The following ATXN1 variants were observed in gnomAD, a reference collection of about 807,000 sequenced individuals.
ATXN1 encodes the protein ataxin-1.
A neutral mutation model predicts 56.4 loss-of-function variants in ATXN1; 8 were observed. The ratio of observed to expected loss-of-function variants is 0.14; its 90% CI spans 0.08 to 0.26. The LOEUF (loss-of-function observed/expected upper bound fraction) is 0.26. ATXN1 is among the 10% of genes least tolerant of loss of function. The pLI, the probability that ATXN1 is intolerant of heterozygous loss-of-function variation, is 1.00. For synonymous variants in ATXN1, 514 were observed against 494.6 expected, an observed-to-expected ratio of 1.04 and a Z score of -0.52; for missense variants, 987 against 1,106.5, an observed-to-expected ratio of 0.89 and a Z score of 1.53.
In ATXN1 at chr6:16,682,521, T is replaced by C. The variant is rs539173335; in HGVS notation, c.-614-24620A>G. On this transcript the variant is annotated intron_variant, in intron 2 of 7. Coordinates refer to ENST00000436367, the MANE Select transcript of ATXN1 (RefSeq NM_001128164.2). ...CTCTCTGGGGTTTTCTGAAGCCACATAGACTTACATGTTTGAGGATTTCCC... is the reference window on the plus strand; with the variant it reads ...CTCTCTGGGGTTTTCTGAAGCCACACAGACTTACATGTTTGAGGATTTCCC... Among the ~76,000 whole-genome samples the C allele has an allele frequency of 2.5e-4, 38 of 152,220 alleles. 1 individual carries two copies. The South Asian group carries it at 7.9e-3, about 32-fold the overall frequency.
intron 2 of ATXN1, among the ~76,000 whole-genome samples, chr6:16,752,326 C>T (rs982422166): frequency 6.6e-6 from 1 of 152,080 alleles, no homozygotes; most frequent in African/African-American, 2.4e-5. Flanking sequence ...CCAGGGGTTC[C>T]CAAACCTGTG....
chr6:16,529,337 G>T (rs528355258), intron 4 of ATXN1, among the ~76,000 whole-genome samples: 1 of 151,836 alleles, frequency 6.6e-6, no homozygotes, highest in Admixed American at 6.6e-5. Context: ...CAGCACAGCG[G>T]GACCAAAGTG....
chr6:16,460,873 C>T lies in ATXN1; in HGVS notation c.-161+25099G>A, dbSNP rs1341712806. Among the ~76,000 whole-genome samples the T allele has an allele frequency of 6.6e-5, 10 of 152,186 alleles. No individual in the cohort carries two copies. In the South Asian group the frequency reaches 8.3e-4, roughly 13 times the overall value. On this transcript the variant is annotated intron_variant, in intron 6 of 7. Transcript: ENST00000436367. ...GCAGAACTTACCCAAGCCTTAGAAC[C>T]GGGAAAGGAAAAAAGAATAAATGTG...
chr6:16,374,716 T>C (rs13193106), intron 6 of ATXN1, among the ~76,000 whole-genome samples: 8,533 of 152,234 alleles, frequency 0.056, 764 homozygotes, highest in East Asian at 0.44. Context: ...CTGTCTGATA[T>C]AGAGCGAAGC....
At chr6:16,722,458 A>C (rs1189150221) in intron 2 of ATXN1, among the ~76,000 whole-genome samples, 1 of 152,246 alleles carries the variant, frequency 6.6e-6, no homozygotes, top group Non-Finnish European at 1.5e-5. Context: ...AAGCCAAAGG[A>C]AGTGCTCACT....
At chr6:16,479,122 T>C (rs146310114) in intron 6 of ATXN1, among the ~76,000 whole-genome samples, 250 of 152,300 alleles carry the variant, frequency 1.6e-3, no homozygotes, top group African/African-American at 5.9e-3. Flanking sequence ...AAGATTATGA[T>C]AGAGGATAGC....
intron 3 of ATXN1, among the ~76,000 whole-genome samples, chr6:16,627,579 T>A (rs894914784): frequency 6.6e-6 from 1 of 151,894 alleles, no homozygotes; most frequent in African/African-American, 2.4e-5. Flanking sequence ...ATACAAACAT[T>A]AGCCGGGTGT....
chr6:16,707,207 C>T (rs1349679889), intron 2 of ATXN1, among the ~76,000 whole-genome samples: 1 of 152,018 alleles, frequency 6.6e-6, no homozygotes, highest in Non-Finnish European at 1.5e-5. Context: ...AGGACATATA[C>T]CATGTGTTTT....
chr6:16,359,746 A>G (rs1581712901), intron 6 of ATXN1, among the ~76,000 whole-genome samples: 1 of 152,284 alleles, frequency 6.6e-6, no homozygotes, highest in East Asian at 1.9e-4. Flanking sequence ...TTCTTTCTGG[A>G]CGCAGGACAA....
intron 7 of ATXN1, among the ~76,000 whole-genome samples, chr6:16,307,675 CAAAAAAAAA>C (rs60689654): frequency 7.8e-4 from 74 of 95,020 alleles, no homozygotes; most frequent in African/African-American, 2.8e-3. Context: ...GACTCCGTCT[CAAAAAAAAA>C]AAAAAAAAGT....
At chr6:16,365,055 C>CAT (rs34627413) in intron 6 of ATXN1, among the ~76,000 whole-genome samples, 98,671 of 150,098 alleles carry the variant, frequency 0.66, 33,323 homozygotes, top group East Asian at 0.77. Flanking sequence ...TTTCTTTTTT[C>CAT]ATATATATAT....
intron 2 of ATXN1, among the ~76,000 whole-genome samples, chr6:16,677,340 C>A (rs3812192): frequency 1.3e-5 from 2 of 152,038 alleles, no homozygotes; most frequent in Non-Finnish European, 2.9e-5. Flanking sequence ...GAAAATCCCA[C>A]GTAGGTAAGA....
chr6:16,545,062 A>G (rs1164304338), intron 4 of ATXN1, among the ~76,000 whole-genome samples: 1 of 152,216 alleles, frequency 6.6e-6, no homozygotes, highest in African/African-American at 2.4e-5. Context: ...TTCTAAGAGC[A>G]TGGCAAATAC....
chr6:16,637,060 G>A (rs967003125), intron 3 of ATXN1, among the ~76,000 whole-genome samples: 2 of 152,014 alleles, frequency 1.3e-5, no homozygotes, highest in African/African-American at 4.8e-5. Context: ...TGTTTATTGC[G>A]GCACTATTCA....
At chr6:16,343,730 C>G (rs1281289145) in intron 6 of ATXN1, among the ~76,000 whole-genome samples, 1 of 152,164 alleles carries the variant, frequency 6.6e-6, no homozygotes, top group African/African-American at 2.4e-5. Flanking sequence ...AAAACCTTGA[C>G]GATGCGCGGC....
chr6:16,412,803 C>A (rs1758826132), intron 6 of ATXN1, among the ~76,000 whole-genome samples: 1 of 152,216 alleles, frequency 6.6e-6, no homozygotes, highest in Non-Finnish European at 1.5e-5. Context: ...TAGTAGATTT[C>A]CAAATTCCCC....
At chr6:16,347,035 C>T (rs114598241) in intron 6 of ATXN1, among the ~76,000 whole-genome samples, 6 of 152,230 alleles carry the variant, frequency 3.9e-5, no homozygotes, top group Non-Finnish European at 7.3e-5. Context: ...GGCCAGCAGC[C>T]GCTGTGCTCA....
intron 2 of ATXN1, among the ~76,000 whole-genome samples, chr6:16,692,125 A>G (rs1186398031): frequency 2.6e-5 from 4 of 152,194 alleles, no homozygotes; most frequent in Non-Finnish European, 5.9e-5. Context: ...GCGTGGTGGC[A>G]CGCACCTGTA....
chr6:16,454,392 G>A (rs143663615), intron 6 of ATXN1, among the ~76,000 whole-genome samples: 2 of 152,252 alleles, frequency 1.3e-5, no homozygotes, highest in East Asian at 3.9e-4. Context: ...TAACATCTGG[G>A]CAGCAGCATA....
Sources: gnomAD v4.1 joint callset for allele counts (sites outside exome capture counted in the v4.1 genomes callset) on GRCh38, gnomAD v4.1.1 for gene constraint, MANE v1.5 for transcripts, NCBI Gene and HGNC (gene_info 2026-07-23, HGNC 2026-07-21) for gene names.